SIM2: variants seen among roughly 807,000 people sequenced by gnomAD.
The protein encoded by SIM2 is SIM bHLH transcription factor 2.
Under a neutral mutation model 64.8 loss-of-function variants are expected in SIM2, and 28 were observed. The ratio of observed to expected loss-of-function variants is 0.43; its 90% confidence interval spans 0.32 to 0.59. The LOEUF is 0.59. SIM2 is among the 20% of genes least tolerant of loss of function. The probability of loss-of-function intolerance (pLI) is 0.07; values close to 1 mark genes in which losing one functional copy is unlikely to be tolerated. For synonymous variants in SIM2, 408 were observed against 391.1 expected, an observed-to-expected ratio of 1.04 and a Z score of -0.51; for missense variants, 847 against 871.4, an observed-to-expected ratio of 0.97 and a Z score of 0.35.
At chr21:36,742,935 A>G (rs1670612498) in intron 8 of SIM2, among the ~76,000 whole-genome samples, 1 of 152,072 alleles carries the variant, frequency 6.6e-6, no homozygotes, top group Admixed American at 6.5e-5. Flanking sequence ...TGGGCCCCCG[A>G]TGTGAGAATG....
chr21:36,739,060 C>A (rs567836400), intron 7 of SIM2, among the ~76,000 whole-genome samples: 1 of 146,778 alleles, frequency 6.8e-6, no homozygotes, highest in East Asian at 1.9e-4. Context: ...AAAACAAAAC[C>A]ATTTCATTCT....
chr21:36,734,570 C>T (rs1165696236), intron 7 of SIM2, among the ~76,000 whole-genome samples: 3 of 152,154 alleles, frequency 2.0e-5, no homozygotes, highest in East Asian at 1.9e-4. Context: ...CATGAGTGTG[C>T]CTGCCTCAGT....
intron 1 of SIM2, among the ~76,000 whole-genome samples, chr21:36,700,813 G>A (rs1335070066): frequency 6.6e-6 from 1 of 152,262 alleles, no homozygotes. Context: ...GAAAATGGCA[G>A]ACAGAGCTGA....
rs574689382 is a variant in SIM2, at chr21:36,725,990, T to C, written c.544-129T>C. 1.0e-4 allele frequency: 74 copies of C among 705,926 alleles called. 1 individual carries two copies. The South Asian group carries it at 1.1e-3, about 11-fold the overall frequency. 43.7% of individuals were successfully genotyped at this position (705,926 alleles called of 1,614,324 possible). A position where few individuals can be genotyped will look rare whatever the true frequency, so the allele number is the denominator to read the frequency against. ...CAATGAACCGGTGCCTGTCAGCACA[T>C]TGGGCCGCACAGTGGAGTAGAGGCT... On this transcript the variant is annotated intron_variant, in intron 5 of 10. Transcript: ENST00000290399.
At chr21:36,718,879 C>A (rs1601694442) in intron 3 of SIM2, among the ~76,000 whole-genome samples, 2 of 152,330 alleles carry the variant, frequency 1.3e-5, no homozygotes, top group East Asian at 1.9e-4. Flanking sequence ...TCTATCATAT[C>A]CTCTCCTGGT....
intron 7 of SIM2, among the ~76,000 whole-genome samples, chr21:36,737,308 C>T (rs1454569754): frequency 6.6e-6 from 1 of 152,212 alleles, no homozygotes; most frequent in Non-Finnish European, 1.5e-5. Flanking sequence ...CACGCCTCAC[C>T]CACCACCTGA....
chr21:36,731,199 G>A (rs369451752), intron 7 of SIM2, 48 bp downstream of exon 7: 32 of 1,400,052 alleles, frequency 2.3e-5, no homozygotes, highest in Non-Finnish European at 3.1e-5. Flanking sequence ...GGTCAGGGAG[G>A]AGGCGCTGAG....
intron 1 of SIM2, among the ~76,000 whole-genome samples, chr21:36,705,335 C>T (rs1056775637): frequency 3.9e-5 from 6 of 152,228 alleles, no homozygotes; most frequent in Non-Finnish European, 8.8e-5. Flanking sequence ...GTTTGCAATC[C>T]GAAAGTGAGA....
intron 1 of SIM2, among the ~76,000 whole-genome samples, chr21:36,702,461 T>C (rs1353340333): frequency 6.6e-6 from 1 of 152,220 alleles, no homozygotes; most frequent in Non-Finnish European, 1.5e-5. Flanking sequence ...ACTCATATCC[T>C]TGGAATTCGT....
Position 36,747,357 on chromosome 21 carries a change from A to G in SIM2, c.1577-308A>G, listed in dbSNP as rs562960526. On this transcript the variant is annotated intron_variant, in intron 10 of 10. Transcript: ENST00000290399. This position sits in a 1 kb window ranked among gnomAD's most constrained non-coding sequence, Gnocchi z 4.5. ...CATCTCAGGACCAAAAAAAAAAAAA[A>G]GAAAATATCCCAATAATTGTTTCAC... 2.5e-3 allele frequency among the ~76,000 whole-genome samples: 388 copies of G among 152,232 alleles called. 1 individual carries two copies. The highest frequency in any genetic ancestry group is 8.1e-3 in the East Asian group (42 of 5,188).
chr21:36,740,001 A>G (rs965628539), intron 7 of SIM2, among the ~76,000 whole-genome samples: 1 of 133,954 alleles, frequency 7.5e-6, no homozygotes, highest in Admixed American at 7.8e-5. Flanking sequence ...AGAAGAAAGA[A>G]AGAAAGAGAG....
Position 36,726,250 on chromosome 21 carries a change from C to A in SIM2, c.675C>A (p.Ile225=). 6.2e-7 allele frequency: 1 copy of A among 1,613,794 alleles called. No homozygotes were observed. Among genetic ancestry groups the A allele is most frequent in the Non-Finnish European group, 8.5e-7 (1 of 1,180,044 alleles). Residue 225 remains isoleucine (I), a synonymous_variant, in exon 6 of 11, where the codon ATC becomes ATA. Transcript: ENST00000290399. The surrounding 1 kb of genome is among the most constrained non-coding windows in gnomAD (Gnocchi z 4.5). Reference sequence around the variant, plus strand: ...TGCCACCCAGTGCCATCACCGAGATCAAGCTGTACAGTAACATGTTCATGT... The same window carrying A: ...TGCCACCCAGTGCCATCACCGAGATAAAGCTGTACAGTAACATGTTCATGT... ...QSLPPSAITE[I]KLYSNMFMFR...
chr21:36,739,878 G>A (rs1345651559), intron 7 of SIM2, among the ~76,000 whole-genome samples: 1 of 143,924 alleles, frequency 6.9e-6, no homozygotes, highest in South Asian at 2.3e-4. Flanking sequence ...GGGAGGCTGA[G>A]GCAGGAGAAT....
At chr21:36,720,242 C>T (rs2088807181) in intron 4 of SIM2, 6 of 303,218 alleles carry the variant, frequency 2.0e-5, no homozygotes, top group Non-Finnish European at 2.5e-5. Context: ...TACAGCATCA[C>T]GGGTCTAGAC....
At chr21:36,723,284 C>A (rs2088848568) in intron 5 of SIM2, among the ~76,000 whole-genome samples, 154 bp downstream of exon 5, 1 of 152,136 alleles carries the variant, frequency 6.6e-6, no homozygotes, top group Non-Finnish European at 1.5e-5. Context: ...CTCTTGGAGG[C>A]TCATGTGAGA....
chr21:36,735,096 C>A (rs1212367351), intron 7 of SIM2, among the ~76,000 whole-genome samples: 1 of 152,190 alleles, frequency 6.6e-6, no homozygotes, highest in Admixed American at 6.5e-5. Flanking sequence ...TACCCCAGAG[C>A]CAGTGTCATC....
In SIM2 at chr21:36,747,610, G is replaced by C; in HGVS notation, c.1577-55G>C. 8.6e-7 allele frequency: 1 copy of C among 1,159,698 alleles called. No homozygotes were observed. 71.8% of individuals were successfully genotyped at this position (1,159,698 alleles called of 1,614,324 possible). A position where few individuals can be genotyped will look rare whatever the true frequency, so the allele number is the denominator to read the frequency against. On this transcript the variant is annotated intron_variant, in intron 10 of 10. Transcript: ENST00000290399. The surrounding 1 kb of genome is among the most constrained non-coding windows in gnomAD (Gnocchi z 4.5). Reference sequence around the variant, plus strand: ...TGGCTGCGCCCGGGGCTTGGGGGTGGGGTGGCTGCGGCCGCGCCCCTTGCT... The same window carrying C: ...TGGCTGCGCCCGGGGCTTGGGGGTGCGGTGGCTGCGGCCGCGCCCCTTGCT...
intron 1 of SIM2, among the ~76,000 whole-genome samples, chr21:36,700,320 T>C (rs1001057707): frequency 3.0e-5 from 4 of 134,972 alleles, no homozygotes; most frequent in African/African-American, 1.6e-4. Context: ...TTCTTTCTCT[T>C]TCTTTTTCTT....
At chr21:36,735,526 A>G (rs1455918730) in intron 7 of SIM2, among the ~76,000 whole-genome samples, 2 of 151,984 alleles carry the variant, frequency 1.3e-5, no homozygotes, top group Non-Finnish European at 2.9e-5. Context: ...CCCATCCCCC[A>G]CACTCTCCAG....
Sources: allele counts gnomAD v4.1 joint callset (sites outside exome capture counted in the v4.1 genomes callset), GRCh38; gene constraint gnomAD v4.1.1; non-coding constraint Gnocchi (gnomAD v3.1); transcripts MANE v1.5; gene names NCBI Gene and HGNC (gene_info 2026-07-23, HGNC 2026-07-21).